THAP2: variants seen among roughly 807,000 people sequenced by gnomAD.
THAP2 encodes THAP domain containing 2.
In THAP2, 16 loss-of-function variants were observed where a neutral mutation model predicts 18.8. That is an observed-to-expected ratio of 0.85 (90% CI 0.58 to 1.29). THAP2 has a LOEUF of 1.29. Among genes scored for constraint, THAP2 ranks in the 50% most tolerant of loss-of-function variants. THAP2 has a pLI of 0.00. For synonymous variants in THAP2, 80 were observed against 89.2 expected (o/e 0.90, Z 0.58); for missense variants, 251 against 265.3 (o/e 0.95, Z 0.38).
intron 1 of THAP2, among the ~76,000 whole-genome samples, chr12:71,671,621 T>C (rs184590015): frequency 6.6e-6 from 1 of 152,358 alleles, no homozygotes; most frequent in East Asian, 1.9e-4. Flanking sequence ...TGTTTTGGGC[T>C]TGGTTTCTTT....
intron 1 of THAP2, among the ~76,000 whole-genome samples, chr12:71,673,219 T>G (rs1304018740): frequency 6.6e-6 from 1 of 152,198 alleles, no homozygotes; most frequent in Admixed American, 6.5e-5. Flanking sequence ...GTATATTTCA[T>G]GGTAGTAAAT....
intron 2 of THAP2, among the ~76,000 whole-genome samples, chr12:71,676,303 A>C (rs535753734): frequency 6.9e-4 from 105 of 152,224 alleles, no homozygotes; most frequent in South Asian, 1.2e-3. Flanking sequence ...AAGGGTATTT[A>C]ATTAAAAGGG....
intron 2 of THAP2, among the ~76,000 whole-genome samples, chr12:71,676,196 T>C (rs1248793582): frequency 6.6e-6 from 1 of 152,062 alleles, no homozygotes; most frequent in Non-Finnish European, 1.5e-5. Flanking sequence ...AATAGGTAAA[T>C]CTGTTTAGAA....
Position 71,680,615 on chromosome 12 carries a change from G to A in THAP2, c.*3507G>A, listed in dbSNP as rs1210878062. On this transcript the variant is annotated 3_prime_UTR_variant, in exon 3 of 3. Coordinates refer to ENST00000308086, the MANE Select transcript of THAP2 (RefSeq NM_031435.4). ...ATTCAAAAAAATGTATTCTGAGTAT[G>A]GTGATATTAAACATTTTTCCCCAAG... is the stretch of plus-strand genomic sequence containing the variant. 6.6e-6 allele frequency: 1 copy of A among 152,198 alleles called. No individual in the cohort carries two copies. Among genetic ancestry groups the A allele is most frequent in the Admixed American group, 6.6e-5 (1 of 15,256 alleles). The allele number at this position is 152,198 out of a possible 1,614,324, so 9.4% of individuals were successfully genotyped here.
intron 1 of THAP2, among the ~76,000 whole-genome samples, chr12:71,670,640 TG>T (rs1470823753): frequency 6.6e-6 from 1 of 152,024 alleles, no homozygotes. Context: ...GAAAAGAAAA[TG>T]TTATTAAGAA....
rs1881558590 is a variant in THAP2 at position 71,678,762 on chromosome 12, G to A, written c.*1654G>A. 2 of 152,196 alleles carry A rather than the reference G, an allele frequency of 1.3e-5. No homozygotes were observed. Among genetic ancestry groups the A allele is most frequent in the South Asian group, 2.1e-4 (1 of 4,818 alleles). The allele number at this position is 152,196 out of a possible 1,614,324, so 9.4% of individuals were successfully genotyped here. ...ATTAGCACTCTCTTTACTAAGGAAT[G>A]CCTCCCAAGGAAATGCAAAGGTAGG... On this transcript the variant is annotated 3_prime_UTR_variant, in exon 3 of 3. Transcript: ENST00000308086.
chr12:71,679,948 T>C lies in THAP2; in HGVS notation c.*2840T>C, dbSNP rs1881575120. The C allele has an allele frequency of 1.3e-5, 2 of 152,190 alleles. No homozygotes were observed. Among genetic ancestry groups the C allele is most frequent in the African/African-American group, 4.8e-5 (2 of 41,446 alleles). 9.4% of individuals were successfully genotyped at this position (152,190 alleles called of 1,614,324 possible). The stretch of plus-strand genomic sequence containing the variant: ...CTGAACAAATGTGTTAATGGTATCT[T>C]TGTTAAAAGGAAAACATAGCTATAA... On this transcript the variant is annotated 3_prime_UTR_variant, in exon 3 of 3. Coordinates refer to ENST00000308086, the MANE Select transcript of THAP2 (RefSeq NM_031435.4).
intron 1 of THAP2, among the ~76,000 whole-genome samples, chr12:71,666,979 G>T (rs573034957): frequency 7.9e-5 from 12 of 152,272 alleles, no homozygotes; most frequent in African/African-American, 2.6e-4. Context: ...TGATCCACCT[G>T]CCTCGGCCTC....
intron 1 of THAP2, among the ~76,000 whole-genome samples, chr12:71,672,090 T>C (rs1881447586): frequency 6.6e-6 from 1 of 152,210 alleles, no homozygotes; most frequent in Non-Finnish European, 1.5e-5. Context: ...ACTGCATTTG[T>C]ACAAAACAGT....
At chr12:71,666,101 G>A (rs528056796) in intron 1 of THAP2, among the ~76,000 whole-genome samples, 5 of 152,236 alleles carry the variant, frequency 3.3e-5, no homozygotes, top group Admixed American at 1.3e-4. Context: ...TTCTAGACTA[G>A]GGTGATATTA....
At position 71,679,871 on chromosome 12, in the gene THAP2, G is replaced by A. The variant is rs369538490; in HGVS notation, c.*2763G>A. 1.9e-4 allele frequency: 29 copies of A among 152,216 alleles called. No individual in the cohort carries two copies. Among genetic ancestry groups the A allele is most frequent in the African/African-American group, 6.7e-4 (28 of 41,552 alleles). 9.4% of individuals were successfully genotyped at this position (152,216 alleles called of 1,614,324 possible). A position where few individuals can be genotyped will look rare whatever the true frequency, so the allele number is the denominator to read the frequency against. ...ACATTGGCATTTGACCTGAATTATG[G>A]TGTTTTATTGAATGAGCTATAAGAC... On this transcript the variant is annotated 3_prime_UTR_variant, in exon 3 of 3. Coordinates refer to ENST00000308086, the MANE Select transcript of THAP2 (RefSeq NM_031435.4).
At chr12:71,669,290 C>T (rs17110146) in intron 1 of THAP2, among the ~76,000 whole-genome samples, 4,492 of 152,296 alleles carry the variant, frequency 0.029, 185 homozygotes, top group African/African-American at 0.1. Context: ...TCATGGAAAA[C>T]TTCCTTAATA....
chr12:71,674,170 T>A (rs758829347), intron 1 of THAP2, 33 bp from the exon 2 acceptor site: 1 of 1,531,788 alleles, frequency 6.5e-7, no homozygotes, highest in Non-Finnish European at 8.8e-7. Context: ...ATTATGATAG[T>A]TGGAATTTGA....
Position 71,677,307 on chromosome 12 carries a change from T to G in THAP2, c.*199T>G, listed in dbSNP as rs1881537567. ...GAAAATGAGTGGAAGTGCCTTACAT[T>G]AGAATTACGGACTTAAAAATTTTGC... On this transcript the variant is annotated 3_prime_UTR_variant, in exon 3 of 3. Transcript: ENST00000308086. The G allele has an allele frequency of 2.2e-6, 1 of 453,052 alleles. No homozygotes were observed. Among genetic ancestry groups the G allele is most frequent in the Non-Finnish European group, 3.6e-6 (1 of 280,300 alleles). 28.1% of individuals were successfully genotyped at this position (453,052 alleles called of 1,614,324 possible).
chr12:71,674,067 G>A (rs1881483003), intron 1 of THAP2, 136 bp from the exon 2 acceptor site: 2 of 819,314 alleles, frequency 2.4e-6, no homozygotes, highest in Non-Finnish European at 1.8e-6. Context: ...CTGTTCCAGT[G>A]TCTGGATATT....
At position 71,674,395 on chromosome 12, in the gene THAP2, T is replaced by C. The variant is rs1881491372; in HGVS notation, c.264T>C (p.Ser88=). 3.2e-6 allele frequency: 5 copies of C among 1,584,330 alleles called. No individual in the cohort carries two copies. The highest frequency in any genetic ancestry group is 1.4e-5 in the African/African-American group (1 of 73,954). ...TTGATTTTTGTACCCATATAAAGTC[T>C]ATGGTAGGTAATGTTACTCTCCTTT... The part of the protein sequence containing the change: ...TIFDFCTHIK[S]MKLKSRNLLK... Residue 88 remains serine, a synonymous_variant, in exon 2 of 3, where the codon TCT becomes TCC. Coordinates refer to ENST00000308086, the MANE Select transcript of THAP2 (RefSeq NM_031435.4).
chr12:71,667,165 C>T (rs752058014), intron 1 of THAP2, among the ~76,000 whole-genome samples: 4 of 152,212 alleles, frequency 2.6e-5, no homozygotes, highest in Non-Finnish European at 5.9e-5. Flanking sequence ...CTAACATGAC[C>T]TTAATGTCTC....
At position 71,676,885 on chromosome 12, in the gene THAP2, G is replaced by A; in HGVS notation, c.464G>A (p.Cys155Tyr). The change falls in exon 3 of 3, where the codon TGC becomes TAC. Residue 155 changes from cysteine to tyrosine, a missense_variant. Coordinates refer to ENST00000308086, the MANE Select transcript of THAP2 (RefSeq NM_031435.4). ...IASLRRKMKT[C>Y]LQKERRATRR... Reference sequence around the variant, plus strand: ...AGCTTAAGAAGAAAAATGAAAACTTGCCTACAAAAGGAACGCAGAGCAACT... The same window carrying A: ...AGCTTAAGAAGAAAAATGAAAACTTACCTACAAAAGGAACGCAGAGCAACT... 1 of 1,613,638 alleles carries A rather than the reference G, an allele frequency of 6.2e-7. No individual in the cohort carries two copies.
chr12:71,664,337 C>T lies in THAP2; in HGVS notation c.-173C>T. 1.5e-6 allele frequency: 1 copy of T among 674,026 alleles called. No homozygotes were observed. Among genetic ancestry groups the T allele is most frequent in the Non-Finnish European group, 2.5e-6 (1 of 394,766 alleles). 41.8% of individuals were successfully genotyped at this position (674,026 alleles called of 1,614,324 possible). ...TTAATAAAGAGAAAGGGAAGGCTGA[C>T]CGTCCTTCGCCTCCGCCCCCACATA... On this transcript the variant is annotated 5_prime_UTR_variant, in exon 1 of 3. Transcript: ENST00000308086.
Sources: allele counts gnomAD v4.1 joint callset (sites outside exome capture counted in the v4.1 genomes callset), GRCh38; gene constraint gnomAD v4.1.1; transcripts MANE v1.5; gene names NCBI Gene and HGNC (gene_info 2026-07-23, HGNC 2026-07-21).